Variants in ROBO1 observed in about 807,000 individuals in gnomAD.
ROBO1 encodes roundabout guidance receptor 1.
In ROBO1, 149 loss-of-function variants were observed where a neutral mutation model predicts 195.9. The ratio of observed to expected loss-of-function variants is 0.76; its 90% CI spans 0.67 to 0.87. ROBO1 has a LOEUF of 0.87. Among genes scored for constraint, ROBO1 ranks in the 40% least tolerant of loss-of-function variants. ROBO1 has a pLI of 0.00. For synonymous variants in ROBO1, 816 were observed against 733.2 expected, an observed-to-expected ratio of 1.11 and a Z score of -1.82; for missense variants, 1,933 against 2,068.3, an observed-to-expected ratio of 0.93 and a Z score of 1.27.
At chr3:79,495,890 A>G (rs950543669) in intron 2 of ROBO1, among the ~76,000 whole-genome samples, 2 of 152,054 alleles carry the variant, frequency 1.3e-5, no homozygotes, top group Admixed American at 6.6e-5. Flanking sequence ...AATAGCACTT[A>G]TTGCGTAGGG....
chr3:78,699,431 T>C (rs2081371830), intron 8 of ROBO1, among the ~76,000 whole-genome samples: 2 of 140,364 alleles, frequency 1.4e-5, no homozygotes, highest in Admixed American at 1.5e-4. Context: ...TAGCCAGGCA[T>C]GGTGGTGGGT....
intron 4 of ROBO1, among the ~76,000 whole-genome samples, chr3:78,890,019 T>C (rs964402495): frequency 6.6e-6 from 1 of 152,002 alleles, no homozygotes; most frequent in Admixed American, 6.6e-5. Flanking sequence ...GCACTCCCTA[T>C]GCCCTCTTAC....
At chr3:79,706,478 C>G (rs375450947) in intron 1 of ROBO1, among the ~76,000 whole-genome samples, 6 of 152,138 alleles carry the variant, frequency 3.9e-5, no homozygotes, top group African/African-American at 1.4e-4. Context: ...ACTATTCTTA[C>G]ACATCTGAGA....
chr3:79,005,411 A>C (rs1473832653), intron 3 of ROBO1, among the ~76,000 whole-genome samples: 1 of 152,230 alleles, frequency 6.6e-6, no homozygotes, highest in African/African-American at 2.4e-5. Flanking sequence ...AGCAGGATGA[A>C]TCATTCAGAC....
chr3:78,949,561 C>G (rs1336135074), intron 3 of ROBO1, among the ~76,000 whole-genome samples: 6 of 152,060 alleles, frequency 3.9e-5, no homozygotes, highest in African/African-American at 7.2e-5. Context: ...AAAAACCCTA[C>G]AAGAAAACCT....
chr3:78,705,083 C>T (rs1278439566), intron 8 of ROBO1, among the ~76,000 whole-genome samples: 2 of 152,136 alleles, frequency 1.3e-5, no homozygotes, highest in African/African-American at 2.4e-5. Context: ...CTACATGGAA[C>T]AGGCAGTGAT....
intron 23 of ROBO1, among the ~76,000 whole-genome samples, chr3:78,635,266 C>T (rs1387535496): frequency 1.3e-5 from 2 of 152,166 alleles, no homozygotes; most frequent in East Asian, 3.8e-4. Flanking sequence ...TAAAATTATA[C>T]ACTGTAGCAG....
chr3:78,972,094 A>T (rs1227345294), intron 3 of ROBO1, among the ~76,000 whole-genome samples: 1 of 152,208 alleles, frequency 6.6e-6, no homozygotes, highest in Non-Finnish European at 1.5e-5. Flanking sequence ...CTCAAAAGTT[A>T]ATTAAACACA....
At chr3:79,083,019 G>A (rs1340573783) in intron 3 of ROBO1, among the ~76,000 whole-genome samples, 3 of 152,100 alleles carry the variant, frequency 2.0e-5, no homozygotes, top group African/African-American at 7.2e-5. Flanking sequence ...AGTTTACTCT[G>A]AGTGACTAAA....
chr3:79,104,023 T>C (rs1337455952), intron 3 of ROBO1, among the ~76,000 whole-genome samples: 1 of 151,744 alleles, frequency 6.6e-6, no homozygotes, highest in Non-Finnish European at 1.5e-5. Flanking sequence ...GGCTCTCTAC[T>C]CTGACAACAC....
In ROBO1 at chr3:79,703,672, GAACT is replaced by G. The variant is rs758714694; in HGVS notation, c.-51+64076_-51+64079del. Among the ~76,000 whole-genome samples, 6 of 151,990 alleles carry G rather than the reference GAACT, an allele frequency of 3.9e-5. No individual in the cohort carries two copies. The East Asian group carries it at 1.2e-3, about 30-fold the overall frequency. On this transcript the variant is annotated intron_variant, in intron 1 of 30. Coordinates refer to ENST00000464233, the MANE Select transcript of ROBO1 (RefSeq NM_002941.4). ...TAAAAATCTGTGTGGTCTCTTATAT[GAACT>G]AACTTAAACTATGTATTCTTTGATA...
At chr3:79,035,534 A>G (rs2078367342) in intron 3 of ROBO1, among the ~76,000 whole-genome samples, 1 of 152,114 alleles carries the variant, frequency 6.6e-6, no homozygotes, top group African/African-American at 2.4e-5. Context: ...AGCCTGAGCA[A>G]CATAGTGAGA....
rs1328026880 is a variant in ROBO1 at position 79,296,092 on chromosome 3, C to T, written c.89-170553G>A. ...AAGCTACAACTAAACATCTAATCTG[C>T]TTTCGGGCAATCCAGTTGAAGAATG... On this transcript the variant is annotated intron_variant, in intron 2 of 30. Transcript: ENST00000464233. Among the ~76,000 whole-genome samples the T allele has an allele frequency of 2.6e-5, 4 of 152,122 alleles. No homozygotes were observed. In the East Asian group the frequency reaches 7.7e-4, roughly 29 times the overall value.
At chr3:79,181,598 A>C (rs2081340535) in intron 2 of ROBO1, among the ~76,000 whole-genome samples, 1 of 152,190 alleles carries the variant, frequency 6.6e-6, no homozygotes, top group African/African-American at 2.4e-5. Flanking sequence ...TGACAATCCT[A>C]TTGTAAATTA....
intron 2 of ROBO1, among the ~76,000 whole-genome samples, chr3:79,425,072 C>A (rs146524333): frequency 1.3e-5 from 2 of 152,164 alleles, no homozygotes. Flanking sequence ...CTGACTCACT[C>A]GTCAACATTC....
chr3:79,276,957 G>T (rs1576911301), intron 2 of ROBO1, among the ~76,000 whole-genome samples: 2 of 151,924 alleles, frequency 1.3e-5, no homozygotes, highest in African/African-American at 4.8e-5. Context: ...TATCCAAAAG[G>T]TAGACAATAA....
At position 79,116,895 on chromosome 3, in the gene ROBO1, T is replaced by C. The variant is rs114221293; in HGVS notation, c.172+8561A>G. Among the ~76,000 whole-genome samples the C allele has an allele frequency of 2.3e-3, 352 of 152,328 alleles. 4 individuals are homozygous for C. Among genetic ancestry groups the C allele is most frequent in the African/African-American group, 8.1e-3 (337 of 41,570 alleles). On this transcript the variant is annotated intron_variant, in intron 3 of 30. Transcript: ENST00000464233. ...GTAAATGGTTGGTATACTGTACTATTATAAAGTTTGTATAAATGTTATTGT... is the reference window on the plus strand; with the variant it reads ...GTAAATGGTTGGTATACTGTACTATCATAAAGTTTGTATAAATGTTATTGT...
At chr3:79,240,816 A>T (rs1312948257) in intron 2 of ROBO1, among the ~76,000 whole-genome samples, 2 of 151,688 alleles carry the variant, frequency 1.3e-5, no homozygotes, top group South Asian at 2.1e-4. Flanking sequence ...TAGTTTTAAA[A>T]TTTTTTTGTA....
rs139003613 is a variant in ROBO1, at chr3:78,599,359, A to C, written c.4942-432T>G. Among the ~76,000 whole-genome samples the C allele has an allele frequency of 1.4e-3, 208 of 152,328 alleles. 1 individual carries two copies. The highest frequency in any genetic ancestry group is 4.8e-3 in the African/African-American group (198 of 41,580). ...ACAACTTCTCTGTTTGCAGGAGGAA[A>C]GTCTTTCTCATTCTAAACCTCAAAA... On this transcript the variant is annotated intron_variant, in intron 30 of 30. Coordinates refer to ENST00000464233, the MANE Select transcript of ROBO1 (RefSeq NM_002941.4).
Sources: allele counts gnomAD v4.1 joint callset (sites outside exome capture counted in the v4.1 genomes callset), GRCh38; gene constraint gnomAD v4.1.1; transcripts MANE v1.5; gene names NCBI Gene and HGNC (gene_info 2026-07-23, HGNC 2026-07-21).